The following SLC35F3 variants were observed in gnomAD, a reference collection of about 807,000 sequenced individuals.
The protein encoded by SLC35F3 is putative thiamine transporter SLC35F3.
A neutral mutation model predicts 49.9 loss-of-function variants in SLC35F3; 25 were observed. The observed-to-expected ratio is 0.50, with a 90% confidence interval of 0.37 to 0.70. The LOEUF is 0.70. Ranked by LOEUF, SLC35F3 falls within the 30% of genes least tolerant of loss-of-function variation. The probability of loss-of-function intolerance (pLI) is 0.00; values close to 1 mark genes in which losing one functional copy is unlikely to be tolerated. For synonymous variants in SLC35F3, 275 were observed against 265.4 expected, an observed-to-expected ratio of 1.04 and a Z score of -0.35; for missense variants, 525 against 639.8, an observed-to-expected ratio of 0.82 and a Z score of 1.94.
At chr1:234,222,275 T>C (rs959513260) in intron 2 of SLC35F3, among the ~76,000 whole-genome samples, 1 of 152,148 alleles carries the variant, frequency 6.6e-6, no homozygotes, top group Non-Finnish European at 1.5e-5. Flanking sequence ...AGCTGAGCCA[T>C]GTCACCCATT....
At chr1:234,109,634 C>T (rs1030879350) in intron 2 of SLC35F3, among the ~76,000 whole-genome samples, 3 of 152,108 alleles carry the variant, frequency 2.0e-5, no homozygotes, top group African/African-American at 7.2e-5. Context: ...TCAGTGAACA[C>T]TTAGGGAGGG....
rs185074637 is a variant in SLC35F3, at chr1:234,109,673, A to T, written c.284-121744A>T. Among the ~76,000 whole-genome samples, 68 of 152,308 alleles carry T rather than the reference A, an allele frequency of 4.5e-4. 1 individual carries two copies. Among genetic ancestry groups the T allele is most frequent in the African/African-American group, 1.6e-3 (67 of 41,550 alleles). Reference sequence around the variant, plus strand: ...ACTGTGTGCTAGGACTGTTCTAGGCAACAGGATGCAAAAGTGAGCTCGTAC... The same window carrying T: ...ACTGTGTGCTAGGACTGTTCTAGGCTACAGGATGCAAAAGTGAGCTCGTAC... On this transcript the variant is annotated intron_variant, in intron 2 of 7. Transcript: ENST00000366618.
intron 3 of SLC35F3, among the ~76,000 whole-genome samples, chr1:234,262,708 A>G (rs1218506267): frequency 6.6e-6 from 1 of 152,212 alleles, no homozygotes; most frequent in Admixed American, 6.5e-5. Context: ...CAACAGCTTC[A>G]GGCACTGGTA....
intron 2 of SLC35F3, among the ~76,000 whole-genome samples, chr1:234,108,056 A>G (rs1295155593): frequency 6.6e-6 from 1 of 151,402 alleles, no homozygotes; most frequent in Non-Finnish European, 1.5e-5. Flanking sequence ...AGGAAAAAAA[A>G]GCACTGCTTA....
intron 2 of SLC35F3, among the ~76,000 whole-genome samples, chr1:234,097,849 A>G (rs760078929): frequency 1.3e-5 from 2 of 152,262 alleles, no homozygotes; most frequent in Non-Finnish European, 2.9e-5. Flanking sequence ...CATATATGAA[A>G]GAGATGAAGA....
chr1:234,256,944 T>C (rs1181949785), intron 3 of SLC35F3, among the ~76,000 whole-genome samples: 1 of 152,222 alleles, frequency 6.6e-6, no homozygotes, highest in Non-Finnish European at 1.5e-5. Context: ...TGCAACTGTT[T>C]ATGAGAAAGC....
intron 2 of SLC35F3, among the ~76,000 whole-genome samples, chr1:234,016,975 G>A (rs1663810364): frequency 6.6e-6 from 1 of 152,150 alleles, no homozygotes; most frequent in South Asian, 2.1e-4. Flanking sequence ...AACAGTTACT[G>A]GCTCTGTTAT....
chr1:234,285,951 C>A (rs1039628191), intron 3 of SLC35F3, among the ~76,000 whole-genome samples: 1 of 152,174 alleles, frequency 6.6e-6, no homozygotes, highest in Non-Finnish European at 1.5e-5. Context: ...AGGGAAATTT[C>A]TCGGGACTTA....
At chr1:233,963,655 A>G (rs1662846605) in intron 2 of SLC35F3, among the ~76,000 whole-genome samples, 1 of 152,194 alleles carries the variant, frequency 6.6e-6, no homozygotes. Flanking sequence ...CGTAAGAGGC[A>G]GGTGCCAGGG....
intron 3 of SLC35F3, among the ~76,000 whole-genome samples, chr1:234,241,744 A>G (rs918647761): frequency 5.9e-5 from 9 of 151,878 alleles, no homozygotes; most frequent in Admixed American, 5.3e-4. Flanking sequence ...TCAAAAAAAA[A>G]AAAAAAAAAA....
intron 2 of SLC35F3, among the ~76,000 whole-genome samples, chr1:234,063,718 T>G (rs1429736807): frequency 6.6e-6 from 1 of 152,222 alleles, no homozygotes; most frequent in African/African-American, 2.4e-5. Context: ...TTTGTTTAGC[T>G]TTTAATATTT....
At chr1:234,038,278 A>G (rs1247335735) in intron 2 of SLC35F3, among the ~76,000 whole-genome samples, 1 of 150,820 alleles carries the variant, frequency 6.6e-6, no homozygotes, top group African/African-American at 2.4e-5. Flanking sequence ...CCATGTCCCT[A>G]CAAAGGACAT....
intron 2 of SLC35F3, among the ~76,000 whole-genome samples, chr1:233,972,639 G>C (rs1340925349): frequency 6.6e-6 from 1 of 151,182 alleles, no homozygotes; most frequent in Non-Finnish European, 1.5e-5. Context: ...GTAAATCATG[G>C]TTATTATCAT....
At chr1:233,938,252 C>T (rs1662364644) in intron 2 of SLC35F3, among the ~76,000 whole-genome samples, 1 of 152,202 alleles carries the variant, frequency 6.6e-6, no homozygotes. Flanking sequence ...GCTCATCCCT[C>T]AAAAGAAAGC....
chr1:234,319,926 C>A (rs1486638359), intron 6 of SLC35F3, among the ~76,000 whole-genome samples, 172 bp from the exon 7 acceptor site: 1 of 151,996 alleles, frequency 6.6e-6, no homozygotes, highest in African/African-American at 2.4e-5. Flanking sequence ...GCTCCTGGTC[C>A]CAAGTCCTGG....
chr1:234,155,393 C>CTGATGATGATGA (rs141313348), intron 2 of SLC35F3, among the ~76,000 whole-genome samples: 171 of 99,602 alleles, frequency 1.7e-3, no homozygotes, highest in African/African-American at 8.4e-3. Flanking sequence ...TGCTATTCAC[C>CTGATGATGATGA]TGATTATTAT....
At chr1:233,935,028 A>G (rs6697245) in intron 2 of SLC35F3, among the ~76,000 whole-genome samples, 39,986 of 151,320 alleles carry the variant, frequency 0.26, 6,790 homozygotes, top group Admixed American at 0.47. Context: ...CTCTGTGCTG[A>G]AATTCCCATA....
At chr1:234,173,283 G>A (rs1666428456) in intron 2 of SLC35F3, among the ~76,000 whole-genome samples, 1 of 152,190 alleles carries the variant, frequency 6.6e-6, no homozygotes, top group South Asian at 2.1e-4. Flanking sequence ...GTTGTTCTAA[G>A]TACTTCAGGT....
intron 2 of SLC35F3, among the ~76,000 whole-genome samples, chr1:233,933,347 T>C (rs1360126659): frequency 6.6e-6 from 1 of 152,150 alleles, no homozygotes; most frequent in African/African-American, 2.4e-5. Flanking sequence ...AAAAGTTATT[T>C]TTTAACTTTT....
Sources: gnomAD v4.1 joint callset for allele counts (sites outside exome capture counted in the v4.1 genomes callset) on GRCh38, gnomAD v4.1.1 for gene constraint, MANE v1.5 for transcripts, NCBI Gene and HGNC (gene_info 2026-07-23, HGNC 2026-07-21) for gene names.